PDE1A: variants seen among roughly 807,000 people sequenced by gnomAD.
PDE1A encodes dual specificity calcium/calmodulin-dependent 3',5'-cyclic nucleotide phosphodiesterase 1A.
A neutral mutation model predicts 61.7 loss-of-function variants in PDE1A; 35 were observed. The ratio of observed to expected loss-of-function variants is 0.57; its 90% CI spans 0.43 to 0.75. The LOEUF (loss-of-function observed/expected upper bound fraction) is 0.75, where lower values mean the gene tolerates loss of function less well. Ranked by LOEUF, PDE1A falls within the 30% of genes least tolerant of loss-of-function variation. The pLI is 0.00. For missense variants in PDE1A, 597 were observed against 630.6 expected (o/e 0.95, Z 0.57); for synonymous variants, 232 against 213.2 (o/e 1.09, Z -0.77).
chr2:182,464,615 G>C (rs1686532254), intron 2 of PDE1A, among the ~76,000 whole-genome samples: 2 of 151,996 alleles, frequency 1.3e-5, no homozygotes, highest in Admixed American at 1.3e-4. Context: ...AATAATAACA[G>C]ATTTAATTTA....
chr2:182,372,802 G>A (rs1700188410), intron 1 of PDE1A, among the ~76,000 whole-genome samples: 1 of 152,218 alleles, frequency 6.6e-6, no homozygotes, highest in African/African-American at 2.4e-5. Flanking sequence ...GGTTAGCACT[G>A]GGAAGTGTTC....
At chr2:182,219,614 C>T (rs565748311) in intron 7 of PDE1A, among the ~76,000 whole-genome samples, 12 of 152,226 alleles carry the variant, frequency 7.9e-5, no homozygotes, top group African/African-American at 2.2e-4. Flanking sequence ...TCTCACTCTC[C>T]TATCTCCTGG....
chr2:182,470,638 G>T (rs1374236639), intron 2 of PDE1A, among the ~76,000 whole-genome samples: 3 of 151,750 alleles, frequency 2.0e-5, no homozygotes, highest in Non-Finnish European at 4.4e-5. Flanking sequence ...TGCAATCCAG[G>T]ATTTATTCTG....
intron 1 of PDE1A, among the ~76,000 whole-genome samples, chr2:182,390,075 T>A (rs1443750274): frequency 6.6e-6 from 1 of 152,178 alleles, no homozygotes; most frequent in Non-Finnish European, 1.5e-5. Flanking sequence ...GGGCCTATTG[T>A]ATGATTTCAC....
intron 1 of PDE1A, among the ~76,000 whole-genome samples, chr2:182,414,396 C>T (rs1702796872): frequency 6.6e-6 from 1 of 152,108 alleles, no homozygotes; most frequent in Non-Finnish European, 1.5e-5. Context: ...AACCCAGAAA[C>T]AACATCTACC....
At chr2:182,697,538 T>G in the PDE1A span, among the ~76,000 whole-genome samples, 1 of 152,194 alleles carries the variant, frequency 6.6e-6, no homozygotes, top group Non-Finnish European at 1.5e-5. Context: ...GAGGCCCCTC[T>G]CCATAGAACT....
the PDE1A span, among the ~76,000 whole-genome samples, chr2:182,626,800 T>TAC: frequency 9.6e-4 from 23 of 23,874 alleles, 1 homozygote; most frequent in South Asian, 0.012. Flanking sequence ...TACATATATA[T>TAC]ACATATATAT....
the PDE1A span, among the ~76,000 whole-genome samples, chr2:182,584,183 T>C: frequency 1.3e-5 from 2 of 148,988 alleles, no homozygotes; most frequent in East Asian, 4.0e-4. Flanking sequence ...CTGCTGACTA[T>C]CTCTGTTAGT....
the PDE1A span, among the ~76,000 whole-genome samples, chr2:182,552,634 G>A: frequency 6.6e-5 from 10 of 151,778 alleles, no homozygotes; most frequent in Non-Finnish European, 8.8e-5. Flanking sequence ...CTTAGCTCAC[G>A]CCCAACCAAT....
chr2:182,659,131 C>A, the PDE1A span, among the ~76,000 whole-genome samples: 1 of 152,098 alleles, frequency 6.6e-6, no homozygotes, highest in Non-Finnish European at 1.5e-5. Flanking sequence ...TTTGTAAGTT[C>A]CATCTACTTA....
intron 4 of PDE1A, among the ~76,000 whole-genome samples, chr2:182,232,808 T>C (rs993594658): frequency 4.6e-5 from 7 of 152,238 alleles, no homozygotes; most frequent in African/African-American, 1.7e-4. Flanking sequence ...GCTATTTATA[T>C]TTACAGTTCC....
At chr2:182,656,102 T>C in the PDE1A span, among the ~76,000 whole-genome samples, 2 of 152,202 alleles carry the variant, frequency 1.3e-5, no homozygotes, top group East Asian at 3.8e-4. Context: ...ATTCTATTAC[T>C]GTAGCTGCCA....
the PDE1A span, among the ~76,000 whole-genome samples, chr2:182,587,402 T>C: frequency 6.6e-6 from 1 of 152,142 alleles, no homozygotes; most frequent in Admixed American, 6.5e-5. Flanking sequence ...TCCACTCTTT[T>C]AACAGGTCCA....
At chr2:182,499,229 T>G (rs1205305903) in intron 2 of PDE1A, among the ~76,000 whole-genome samples, 3 of 137,608 alleles carry the variant, frequency 2.2e-5, no homozygotes, top group Non-Finnish European at 4.6e-5. Context: ...CAGGCTGGAG[T>G]GCAGTGGCGC....
Position 182,462,027 on chromosome 2 carries a change from C to T in PDE1A, c.101+60249G>A, listed in dbSNP as rs538202757. On this transcript the variant is annotated intron_variant, in intron 2 of 14. Coordinates refer to the PDE1A transcript ENST00000410103. ...CTTGCTGGATTAAACCAAGGGGGCT[C>T]ATTCTCTTTAAAAAGTATTCTCAGC... 3.9e-5 allele frequency among the ~76,000 whole-genome samples: 6 copies of T among 152,186 alleles called. 1 individual carries two copies. The highest frequency in any genetic ancestry group is 3.3e-4 in the Admixed American group (5 of 15,274).
chr2:182,699,394 G>A, the PDE1A span, among the ~76,000 whole-genome samples: 11 of 152,176 alleles, frequency 7.2e-5, no homozygotes, highest in East Asian at 2.1e-3. Context: ...TTTTGGTTTC[G>A]GAAAATTGAT....
the PDE1A span, among the ~76,000 whole-genome samples, chr2:182,671,752 T>C: frequency 6.6e-6 from 1 of 151,396 alleles, no homozygotes; most frequent in East Asian, 1.9e-4. Context: ...CCCAAGTAGC[T>C]GGTACTACAG....
chr2:182,658,336 T>C, the PDE1A span, among the ~76,000 whole-genome samples: 4 of 152,226 alleles, frequency 2.6e-5, no homozygotes, highest in African/African-American at 9.6e-5. Context: ...CTCCAATCTC[T>C]GTCCCAGCCA....
the PDE1A span, among the ~76,000 whole-genome samples, chr2:182,586,579 T>C: frequency 6.6e-6 from 1 of 152,220 alleles, no homozygotes. Context: ...AATCTCAGCA[T>C]TATTGACACT....
Sources: gnomAD v4.1 joint callset for allele counts (sites outside exome capture counted in the v4.1 genomes callset) on GRCh38, gnomAD v4.1.1 for gene constraint, MANE v1.5 for transcripts, NCBI Gene and HGNC (gene_info 2026-07-23, HGNC 2026-07-21) for gene names.